The following IDE variants were observed in gnomAD, a reference collection of about 807,000 sequenced individuals.
IDE encodes insulin-degrading enzyme.
Under a neutral mutation model 133.2 loss-of-function variants are expected in IDE, and 58 were observed. The observed-to-expected ratio is 0.44, with a 90% CI of 0.35 to 0.54. IDE has a LOEUF of 0.54. Ranked by LOEUF, IDE falls within the 20% of genes least tolerant of loss-of-function variation. The pLI, the probability that IDE is intolerant of heterozygous loss-of-function variation, is 0.00. For synonymous variants in IDE, 396 were observed against 421.3 expected, an observed-to-expected ratio of 0.94 and a Z score of 0.73; for missense variants, 981 against 1,234.0, an observed-to-expected ratio of 0.79 and a Z score of 3.07.
intron 4 of IDE, among the ~76,000 whole-genome samples, chr10:92,529,235 T>C (rs892676197): frequency 6.6e-6 from 1 of 152,208 alleles, no homozygotes; most frequent in African/African-American, 2.4e-5. Flanking sequence ...AAGTTTTCAA[T>C]ATGCATAATA....
chr10:92,512,533 T>G (rs1354171566), intron 5 of IDE, among the ~76,000 whole-genome samples: 4 of 151,070 alleles, frequency 2.6e-5, no homozygotes, highest in Non-Finnish European at 5.9e-5. Context: ...TGAAATCATG[T>G]GTTTAATCTC....
chr10:92,535,796 G>T (rs140052877), intron 2 of IDE, among the ~76,000 whole-genome samples: 2 of 152,206 alleles, frequency 1.3e-5, no homozygotes, highest in African/African-American at 4.8e-5. Flanking sequence ...AGCACTTTGG[G>T]AGGACGAGGT....
intron 1 of IDE, among the ~76,000 whole-genome samples, chr10:92,567,450 T>C (rs1843608818): frequency 6.6e-6 from 1 of 152,224 alleles, no homozygotes; most frequent in South Asian, 2.1e-4. Flanking sequence ...TCTTTCCTTG[T>C]CATTTGTACT....
intron 18 of IDE, 24 bp from the exon 19 acceptor site, chr10:92,469,014 C>T (rs1212637824): frequency 7.8e-7 from 1 of 1,286,972 alleles, no homozygotes; most frequent in African/African-American, 1.5e-5. Flanking sequence ...TATGTCCCAG[C>T]ATATTACAAA....
At chr10:92,562,781 T>C (rs1843338682) in intron 1 of IDE, among the ~76,000 whole-genome samples, 1 of 152,210 alleles carries the variant, frequency 6.6e-6, no homozygotes, top group Non-Finnish European at 1.5e-5. Flanking sequence ...GAAAATCAGG[T>C]GACTAATGTT....
chr10:92,545,913 C>T (rs943545704), intron 1 of IDE, among the ~76,000 whole-genome samples: 1 of 152,132 alleles, frequency 6.6e-6, no homozygotes, highest in Non-Finnish European at 1.5e-5. Flanking sequence ...ACACTATGAC[C>T]TAACAATGCT....
intron 17 of IDE, among the ~76,000 whole-genome samples, chr10:92,473,981 T>C (rs540857026): frequency 6.8e-6 from 1 of 146,130 alleles, no homozygotes; most frequent in Non-Finnish European, 1.5e-5. Flanking sequence ...ACTCCGTCTT[T>C]AAAAAAAAAA....
At chr10:92,572,774 C>T (rs1843847109) in intron 1 of IDE, 4 of 446,070 alleles carry the variant, frequency 9.0e-6, no homozygotes, top group African/African-American at 2.1e-5. Flanking sequence ...CACAAACTGC[C>T]CGCATATCTA....
At chr10:92,454,658 G>T in intron 24 of IDE, 119 bp from the exon 25 acceptor site, 1 of 707,916 alleles carries the variant, frequency 1.4e-6, no homozygotes, top group Non-Finnish European at 2.5e-6. Flanking sequence ...CTGTTTTTTT[G>T]TTTTGGCTTG....
intron 6 of IDE, among the ~76,000 whole-genome samples, chr10:92,509,410 T>A (rs779289735): frequency 2.6e-5 from 4 of 152,008 alleles, no homozygotes; most frequent in Non-Finnish European, 5.9e-5. Flanking sequence ...CTGGCCAACA[T>A]GGTGAAACCC....
At chr10:92,569,480 T>C (rs2135849852) in intron 1 of IDE, among the ~76,000 whole-genome samples, 3 of 152,332 alleles carry the variant, frequency 2.0e-5, no homozygotes, top group Middle Eastern at 6.8e-3. Flanking sequence ...GTTACGAAGA[T>C]GATCATGGCC....
chr10:92,477,390 A>G (rs1846326743), intron 15 of IDE, among the ~76,000 whole-genome samples: 2 of 149,630 alleles, frequency 1.3e-5, no homozygotes, highest in Admixed American at 6.7e-5. Flanking sequence ...TCCTGAGCTC[A>G]AAGCAATCTG....
intron 1 of IDE, among the ~76,000 whole-genome samples, chr10:92,551,763 A>T (rs1430558889): frequency 1.3e-5 from 2 of 151,966 alleles, no homozygotes; most frequent in Non-Finnish European, 2.9e-5. Context: ...TGAGATGAAA[A>T]AAGTTCTAGA....
chr10:92,454,341 C>T lies in IDE; in HGVS notation c.*103G>A. On this transcript the variant is annotated 3_prime_UTR_variant, in exon 25 of 25. Transcript: ENST00000265986. ...ATTTGACAATTTTTTGTTTGTTTCT[C>T]TAATAGTGAATCAGAAACTATTAAA... 1.3e-6 allele frequency: 1 copy of T among 778,390 alleles called. No homozygotes were observed. The highest frequency in any genetic ancestry group is 2.0e-5 in the Admixed American group (1 of 49,738). 48.2% of individuals were successfully genotyped at this position (778,390 alleles called of 1,614,324 possible).
intron 24 of IDE, among the ~76,000 whole-genome samples, chr10:92,455,129 C>G (rs1056978117): frequency 6.6e-6 from 1 of 152,038 alleles, no homozygotes. Flanking sequence ...AGTAGAAGCT[C>G]CAACACCTGG....
At chr10:92,517,028 C>T (rs1388097355) in intron 4 of IDE, among the ~76,000 whole-genome samples, 2 of 152,168 alleles carry the variant, frequency 1.3e-5, no homozygotes, top group African/African-American at 4.8e-5. Flanking sequence ...ATTGGTTCTA[C>T]TTACACTACT....
chr10:92,484,913 G>A (rs1055236605), intron 13 of IDE, among the ~76,000 whole-genome samples: 2 of 151,906 alleles, frequency 1.3e-5, no homozygotes, highest in African/African-American at 4.8e-5. Context: ...ACAATTAGCT[G>A]GGCGTGGTGG....
intron 1 of IDE, among the ~76,000 whole-genome samples, chr10:92,563,844 AAAG>A (rs773497605): frequency 2.0e-5 from 3 of 152,192 alleles, no homozygotes; most frequent in Non-Finnish European, 4.4e-5. Flanking sequence ...GGAGGGGAAA[AAAG>A]AAGCCATATG....
chr10:92,476,525 C>T (rs1362700727), intron 15 of IDE, among the ~76,000 whole-genome samples: 1 of 151,920 alleles, frequency 6.6e-6, no homozygotes, highest in African/African-American at 2.4e-5. Flanking sequence ...CAGGGTCTTG[C>T]TAGGGTACCC....
Sources: gnomAD v4.1 joint callset for allele counts (sites outside exome capture counted in the v4.1 genomes callset) on GRCh38, gnomAD v4.1.1 for gene constraint, MANE v1.5 for transcripts, NCBI Gene and HGNC (gene_info 2026-07-23, HGNC 2026-07-21) for gene names.